Variants in DCLK1 observed in about 807,000 individuals in gnomAD.
DCLK1 encodes the protein serine/threonine-protein kinase DCLK1.
A neutral mutation model predicts 86.2 loss-of-function variants in DCLK1; 16 were observed. The ratio of observed to expected loss-of-function variants is 0.19; its 90% CI spans 0.13 to 0.28. DCLK1 has a LOEUF of 0.28. Ranked by LOEUF, DCLK1 falls within the 10% of genes least tolerant of loss-of-function variation. DCLK1 has a pLI of 1.00. For synonymous variants in DCLK1, 369 were observed against 370.5 expected (o/e 1.00, Z 0.05); for missense variants, 590 against 940.2 (o/e 0.63, Z 4.87).
At chr13:35,849,290 C>A in intron 6 of DCLK1, 1 of 985,140 alleles carries the variant, frequency 1.0e-6, no homozygotes, top group Non-Finnish European at 1.2e-6. Flanking sequence ...ACATTTAAAA[C>A]AGCGTGTGAC....
At chr13:35,864,059 C>T (rs993524972) in intron 5 of DCLK1, among the ~76,000 whole-genome samples, 1 of 152,146 alleles carries the variant, frequency 6.6e-6, no homozygotes, top group Admixed American at 6.5e-5. Flanking sequence ...CAGCACCCAA[C>T]GTTGCCGGTC....
intron 4 of DCLK1, among the ~76,000 whole-genome samples, chr13:35,879,006 G>C (rs904185737): frequency 5.9e-5 from 9 of 152,156 alleles, no homozygotes; most frequent in Admixed American, 5.9e-4. Flanking sequence ...GGCTGGGCTC[G>C]AACTCCTGAC....
chr13:36,007,607 T>C (rs9531338), intron 3 of DCLK1, among the ~76,000 whole-genome samples: 7,183 of 152,318 alleles, frequency 0.047, 173 homozygotes, highest in Middle Eastern at 0.092. Context: ...AACCGGAAGA[T>C]ATTCTATATT....
chr13:36,107,712 G>A (rs926880481), intron 3 of DCLK1, among the ~76,000 whole-genome samples: 21 of 152,016 alleles, frequency 1.4e-4, no homozygotes, highest in African/African-American at 4.6e-4. Context: ...TTCTAAGGAC[G>A]GATTCAAGAA....
chr13:35,839,269 T>G, intron 6 of DCLK1, 93 bp from the exon 7 acceptor site: 1 of 1,147,400 alleles, frequency 8.7e-7, no homozygotes, highest in Non-Finnish European at 1.3e-6. Context: ...AGGAGAAAAC[T>G]TTGCCCATGC....
At chr13:35,935,615 T>C (rs1319372446) in intron 4 of DCLK1, among the ~76,000 whole-genome samples, 1 of 152,156 alleles carries the variant, frequency 6.6e-6, no homozygotes, top group Non-Finnish European at 1.5e-5. Context: ...GTGGGATGTG[T>C]TGAATTTCAG....
In DCLK1 at chr13:35,805,529, G is replaced by A. The variant is rs547394995; in HGVS notation, c.1944+170C>T. ...GCCCAAGCTGTCCTCGAACTCCTGA[G>A]CTCAGGCAATCCACCCACCTCGGCC... On this transcript the variant is annotated intron_variant, in intron 15 of 16. Coordinates refer to ENST00000360631, the MANE Select transcript of DCLK1 (RefSeq NM_001330071.2). The A allele has an allele frequency of 1.5e-5, 9 of 588,454 alleles. No individual in the cohort carries two copies. The East Asian group carries it at 2.6e-4, about 17-fold the overall frequency. 36.5% of individuals were successfully genotyped at this position (588,454 alleles called of 1,614,324 possible). A position where few individuals can be genotyped will look rare whatever the true frequency, so the allele number is the denominator to read the frequency against.
chr13:35,898,516 C>T (rs1566592179), intron 4 of DCLK1, among the ~76,000 whole-genome samples: 3 of 152,164 alleles, frequency 2.0e-5, no homozygotes, highest in Admixed American at 6.5e-5. Context: ...AAATTGGCTA[C>T]GATCTCACCA....
chr13:36,124,398 C>G (rs1267203511), intron 2 of DCLK1, among the ~76,000 whole-genome samples: 2 of 152,160 alleles, frequency 1.3e-5, no homozygotes, highest in Non-Finnish European at 1.5e-5. Context: ...GTCAAGTCAC[C>G]GAAAAGGGAT....
At chr13:35,835,311 A>T (rs1869279783) in intron 8 of DCLK1, among the ~76,000 whole-genome samples, 1 of 152,218 alleles carries the variant, frequency 6.6e-6, no homozygotes, top group Admixed American at 6.5e-5. Flanking sequence ...CCAACTTTGC[A>T]GTATTCTGCC....
chr13:36,126,623 G>A (rs1298069631), intron 1 of DCLK1, among the ~76,000 whole-genome samples: 1 of 152,028 alleles, frequency 6.6e-6, no homozygotes, highest in Non-Finnish European at 1.5e-5. Context: ...TTTAACTGAT[G>A]ACACATTTAA....
At chr13:35,800,990 C>G (rs111272488) in intron 15 of DCLK1, among the ~76,000 whole-genome samples, 4,697 of 151,886 alleles carry the variant, frequency 0.031, 88 homozygotes, top group African/African-American at 0.048. Flanking sequence ...TCCCAGAGTG[C>G]TGGGGTTACA....
chr13:35,836,219 A>G, intron 7 of DCLK1, 78 bp from the exon 8 acceptor site: 7 of 1,233,522 alleles, frequency 5.7e-6, no homozygotes, highest in Non-Finnish European at 8.1e-6. Flanking sequence ...TAAAAGTATC[A>G]TCTAATTGAC....
At chr13:35,808,060 T>A (rs1032357044) in intron 14 of DCLK1, among the ~76,000 whole-genome samples, 164 bp downstream of exon 14, 2 of 152,216 alleles carry the variant, frequency 1.3e-5, no homozygotes, top group Non-Finnish European at 2.9e-5. Context: ...TGGGAACAGA[T>A]GACTTGATGA....
chr13:35,912,970 C>T (rs1232207142), intron 4 of DCLK1, among the ~76,000 whole-genome samples: 2 of 152,216 alleles, frequency 1.3e-5, no homozygotes, highest in African/African-American at 2.4e-5. Context: ...TGGCCGGATC[C>T]TGCCCTTGCT....
chr13:36,128,753 T>TATAC (rs1555239743), intron 1 of DCLK1, among the ~76,000 whole-genome samples: 3 of 151,964 alleles, frequency 2.0e-5, no homozygotes, highest in Non-Finnish European at 4.4e-5. Context: ...TCAAAAACAG[T>TATAC]TATATATAGG....
intron 3 of DCLK1, among the ~76,000 whole-genome samples, chr13:35,978,198 CTTTTCTTTTTTT>C (rs1879447990): frequency 8.9e-6 from 1 of 112,172 alleles, no homozygotes; most frequent in Non-Finnish European, 1.9e-5. Flanking sequence ...TTTTTCTTTT[CTTTTCTTTTTTT>C]TTTTTTTTTT....
At chr13:35,936,104 A>G (rs1876735815) in intron 4 of DCLK1, among the ~76,000 whole-genome samples, 1 of 152,208 alleles carries the variant, frequency 6.6e-6, no homozygotes, top group African/African-American at 2.4e-5. Flanking sequence ...GGACAGGCAA[A>G]AGACCAAGAC....
At chr13:35,943,136 A>G (rs1034816946) in intron 4 of DCLK1, among the ~76,000 whole-genome samples, 3 of 152,170 alleles carry the variant, frequency 2.0e-5, no homozygotes, top group Non-Finnish European at 4.4e-5. Context: ...GTGGGTCCTA[A>G]TCCAATAACT....
Sources: allele counts gnomAD v4.1 joint callset (sites outside exome capture counted in the v4.1 genomes callset), GRCh38; gene constraint gnomAD v4.1.1; transcripts MANE v1.5; gene names NCBI Gene and HGNC (gene_info 2026-07-23, HGNC 2026-07-21).